Variants in TMIE observed in about 807,000 individuals in gnomAD.
TMIE encodes the protein transmembrane inner ear expressed protein.
In TMIE, 14 loss-of-function variants were observed where a neutral mutation model predicts 16.8. That is an observed-to-expected ratio of 0.83 (90% CI 0.55 to 1.30). The LOEUF is 1.30. TMIE is among the 50% of genes most tolerant of loss of function. TMIE has a pLI of 0.00. For synonymous variants in TMIE, 75 were observed against 87.2 expected (o/e 0.86, Z 0.78); for missense variants, 204 against 205.9 (o/e 0.99, Z 0.06).
At chr3:46,707,880 G>C (rs751058221) in intron 2 of TMIE, among the ~76,000 whole-genome samples, 1 of 152,224 alleles carries the variant, frequency 6.6e-6, no homozygotes, top group Admixed American at 6.5e-5. Flanking sequence ...GGCCTAAGCC[G>C]GGAGGGTTAG....
intron 1 of TMIE, 145 bp from the exon 2 acceptor site, chr3:46,705,645 G>A (rs1389182071): frequency 4.2e-6 from 3 of 722,210 alleles, no homozygotes; most frequent in Non-Finnish European, 7.4e-6. Context: ...AAGGTCTAGG[G>A]TGTTGGTAGT....
chr3:46,709,094 C>T, intron 2 of TMIE, 32 bp from the exon 3 acceptor site: 1 of 1,613,524 alleles, frequency 6.2e-7, no homozygotes. Flanking sequence ...TGAACCCCAG[C>T]CCCAGCCAAG....
At chr3:46,702,597 CAG>C (rs1216457356) in intron 1 of TMIE, among the ~76,000 whole-genome samples, 1 of 151,942 alleles carries the variant, frequency 6.6e-6, no homozygotes, top group Non-Finnish European at 1.5e-5. Context: ...AGCAGGAAAA[CAG>C]AAATGCAAGA....
intron 1 of TMIE, among the ~76,000 whole-genome samples, chr3:46,704,636 G>A (rs1700525414): frequency 2.0e-5 from 3 of 146,656 alleles, no homozygotes; most frequent in Admixed American, 2.0e-4. Context: ...CACCCAGGGT[G>A]GACCATGTCC....
upstream of TMIE, among the ~76,000 whole-genome samples, chr3:46,697,208 G>A (rs1484437870): frequency 1.3e-5 from 2 of 152,170 alleles, no homozygotes; most frequent in African/African-American, 4.8e-5. Context: ...TACGGTCTTT[G>A]GCTATAATGT....
At chr3:46,694,853 T>C (rs1700365983) in intron 1 of TMIE, among the ~76,000 whole-genome samples, 1 of 152,110 alleles carries the variant, frequency 6.6e-6, no homozygotes, top group African/African-American at 2.4e-5. Flanking sequence ...CCTCCCCACA[T>C]TGCCAAAGCC....
At chr3:46,704,902 G>T (rs963198010) in intron 1 of TMIE, among the ~76,000 whole-genome samples, 1 of 151,442 alleles carries the variant, frequency 6.6e-6, no homozygotes, top group Non-Finnish European at 1.5e-5. Flanking sequence ...TCCCTAGACA[G>T]CCAGGAGCAG....
chr3:46,699,795 G>A (rs1700448366), upstream of TMIE, among the ~76,000 whole-genome samples: 1 of 152,224 alleles, frequency 6.6e-6, no homozygotes, highest in Admixed American at 6.5e-5. Context: ...TTGGGAGCCT[G>A]TAAGCAGCAG....
upstream of TMIE, among the ~76,000 whole-genome samples, chr3:46,699,304 C>T (rs899044123): frequency 1.3e-5 from 2 of 152,152 alleles, no homozygotes; most frequent in South Asian, 2.1e-4. Flanking sequence ...CTCCTGACCT[C>T]GGGTGATCTG....
In TMIE at chr3:46,701,543, G is replaced by C; in HGVS notation, c.56G>C (p.Gly19Ala). The change falls in exon 1 of 4, where the codon GGG becomes GCG. Residue 19 changes from glycine (G) to alanine (A), a missense_variant. By Grantham distance (60) the Gly-to-Ala change is moderately conservative. Transcript: ENST00000643606. This position sits in a 1 kb window ranked among gnomAD's most constrained non-coding sequence, Gnocchi z 4.3. ...PLCVLGGAAL[G>A]VCLAGVAGQL... ...TGCGTGCTGGGCGGCGCCGCACTCG[G>C]GGTGTGCCTCGCGGGGGTTGCCGGG... The C allele has an allele frequency of 2.3e-6, 3 of 1,296,644 alleles. No individual in the cohort carries two copies. Among genetic ancestry groups the C allele is most frequent in the Non-Finnish European group, 2.9e-6 (3 of 1,025,500 alleles). 80.3% of individuals were successfully genotyped at this position (1,296,644 alleles called of 1,614,324 possible). A position where few individuals can be genotyped will look rare whatever the true frequency, so the allele number is the denominator to read the frequency against.
chr3:46,697,702 T>TG (rs1296036974), upstream of TMIE, among the ~76,000 whole-genome samples: 1 of 151,616 alleles, frequency 6.6e-6, no homozygotes, highest in Non-Finnish European at 1.5e-5. Flanking sequence ...ACTGGTGTCT[T>TG]GGGGCTGGGT....
upstream of TMIE, among the ~76,000 whole-genome samples, chr3:46,698,114 C>T (rs556611738): frequency 1.1e-4 from 17 of 151,986 alleles, 1 homozygote; most frequent in Admixed American, 7.9e-4. Context: ...AGTGCAGTGG[C>T]GCCATCTCAG....
intron 2 of TMIE, among the ~76,000 whole-genome samples, chr3:46,707,063 G>C (rs1700560888): frequency 6.6e-6 from 1 of 152,234 alleles, no homozygotes; most frequent in Admixed American, 6.5e-5. Flanking sequence ...CTGAGCAAGA[G>C]CCTGTGCTTT....
Position 46,709,166 on chromosome 3 carries a change from G to T in TMIE, c.252G>T (p.Arg84=). 6.2e-7 allele frequency: 1 copy of T among 1,614,150 alleles called. No individual in the cohort carries two copies. Among genetic ancestry groups the T allele is most frequent in the Non-Finnish European group, 8.5e-7 (1 of 1,180,046 alleles). The stretch of plus-strand genomic sequence containing the variant: ...GTGTCTTCAACTGTCGTGTGCCACG[G>T]ACCCGGAAGGAGATCGAAGCCCGGT... ...LCCVFNCRVP[R]TRKEIEARYL... Residue 84 remains arginine, a synonymous_variant, in exon 3 of 4, where the codon CGG becomes CGT. Coordinates refer to ENST00000643606, the MANE Select transcript of TMIE (RefSeq NM_147196.3).
rs1205054309 is a variant in TMIE, at chr3:46,709,949, G to T, written c.*261G>T. On this transcript the variant is annotated 3_prime_UTR_variant, in exon 4 of 4. Coordinates refer to ENST00000643606, the MANE Select transcript of TMIE (RefSeq NM_147196.3). Reference sequence around the variant, plus strand: ...TCGGCAGAGGTGGTCTGGTGCCACCGTCCCTCTGCAGATACACTGCTCTCC... The same window carrying T: ...TCGGCAGAGGTGGTCTGGTGCCACCTTCCCTCTGCAGATACACTGCTCTCC... The T allele has an allele frequency of 3.6e-6, 2 of 555,422 alleles. No individual in the cohort carries two copies. Among genetic ancestry groups the T allele is most frequent in the Non-Finnish European group, 6.0e-6 (2 of 334,396 alleles). 34.4% of individuals were successfully genotyped at this position (555,422 alleles called of 1,614,324 possible). A position where few individuals can be genotyped will look rare whatever the true frequency, so the allele number is the denominator to read the frequency against.
chr3:46,700,682 G>C (rs1306391787), upstream of TMIE, among the ~76,000 whole-genome samples: 1 of 152,146 alleles, frequency 6.6e-6, no homozygotes, highest in African/African-American at 2.4e-5. Context: ...GCTCAACATG[G>C]GGTCAGGGCC....
upstream of TMIE, among the ~76,000 whole-genome samples, chr3:46,699,060 ATTTTTTT>A (rs397951323): frequency 1.1e-4 from 9 of 84,872 alleles, no homozygotes; most frequent in South Asian, 1.3e-3. Context: ...GGTGTTTCTT[ATTTTTTT>A]TTTTTTTTTT....
chr3:46,694,020 G>C (rs931796277), upstream of TMIE, among the ~76,000 whole-genome samples: 1 of 152,016 alleles, frequency 6.6e-6, no homozygotes, highest in African/African-American at 2.4e-5. Flanking sequence ...CTCCGAGGCC[G>C]CCGTGCCACC....
At chr3:46,706,065 A>G (rs1281381013) in intron 2 of TMIE, among the ~76,000 whole-genome samples, 158 bp downstream of exon 2, 1 of 151,978 alleles carries the variant, frequency 6.6e-6, no homozygotes, top group Non-Finnish European at 1.5e-5. Context: ...ATCCACACAA[A>G]CTCCCCGTGG....
Sources: gnomAD v4.1 joint callset for allele counts (sites outside exome capture counted in the v4.1 genomes callset) on GRCh38, gnomAD v4.1.1 for gene constraint, Gnocchi (gnomAD v3.1) non-coding constraint, MANE v1.5 for transcripts, NCBI Gene and HGNC (gene_info 2026-07-23, HGNC 2026-07-21) for gene names.